PTK2: variants seen among roughly 807,000 people sequenced by gnomAD.
PTK2 encodes the protein protein tyrosine kinase 2.
In PTK2, 45 loss-of-function variants were observed where a neutral mutation model predicts 150.1. The observed-to-expected ratio is 0.30, with a 90% CI of 0.24 to 0.38. PTK2 has a LOEUF of 0.38. Ranked by LOEUF, PTK2 falls within the 10% of genes least tolerant of loss-of-function variation. The pLI is 1.00. For missense variants in PTK2, 919 were observed against 1,307.3 expected (o/e 0.70, Z 4.58); for synonymous variants, 432 against 449.2 (o/e 0.96, Z 0.48).
intron 13 of PTK2, among the ~76,000 whole-genome samples, chr8:140,791,468 C>A (rs538775838): frequency 7.2e-5 from 11 of 152,342 alleles, no homozygotes; most frequent in African/African-American, 2.4e-4. Flanking sequence ...GTAGAGTGCA[C>A]TGTCCAAAGC....
At position 140,820,390 on chromosome 8, in the gene PTK2, C is replaced by T. The variant is rs542214618; in HGVS notation, c.649-1370G>A. ...TGCTGGGATTATAGGCATGAGCCAC[C>T]GCACCCGGCCTGAATTATGTTTTAA... On this transcript the variant is annotated intron_variant, in intron 8 of 31. Transcript: ENST00000522684. Among the ~76,000 whole-genome samples the T allele has an allele frequency of 9.9e-5, 15 of 151,852 alleles. 1 individual carries two copies. The highest frequency in any genetic ancestry group is 2.1e-4 in the South Asian group (1 of 4,804).
chr8:140,898,825 A>C (rs1030448375), intron 2 of PTK2, among the ~76,000 whole-genome samples: 3 of 152,158 alleles, frequency 2.0e-5, no homozygotes, highest in Non-Finnish European at 4.4e-5. Context: ...GAAGCTGTAA[A>C]GGGGAGGGAG....
At chr8:140,690,226 A>G (rs555195887) in intron 26 of PTK2, among the ~76,000 whole-genome samples, 1 of 152,298 alleles carries the variant, frequency 6.6e-6, no homozygotes, top group Non-Finnish European at 1.5e-5. Flanking sequence ...TGCTGGGATT[A>G]CAGGCGTGAG....
chr8:140,801,021 T>C (rs753027727), intron 11 of PTK2, among the ~76,000 whole-genome samples: 17 of 152,212 alleles, frequency 1.1e-4, no homozygotes, highest in Non-Finnish European at 2.1e-4. Flanking sequence ...TTTTAGCACA[T>C]ATAGCATGTT....
At chr8:140,704,121 GA>G (rs1564731406) in intron 24 of PTK2, among the ~76,000 whole-genome samples, 1 of 152,182 alleles carries the variant, frequency 6.6e-6, no homozygotes, top group Non-Finnish European at 1.5e-5. Flanking sequence ...GATTTCTGGT[GA>G]AAAGGGATGT....
chr8:141,000,087 T>TCACACACACACACACACACACACA (rs71310820), intron 1 of PTK2, among the ~76,000 whole-genome samples: 7 of 81,608 alleles, frequency 8.6e-5, no homozygotes, highest in African/African-American at 1.4e-4. Flanking sequence ...TGAAACCAAT[T>TCACACACACACACACACACACACA]CACACACACA....
At chr8:140,720,922 A>AT (rs1165173885) in intron 22 of PTK2, among the ~76,000 whole-genome samples, 5 of 151,618 alleles carry the variant, frequency 3.3e-5, no homozygotes, top group Non-Finnish European at 7.4e-5. Flanking sequence ...TGCCTGGCTA[A>AT]TTTTTTGTAT....
chr8:140,977,539 T>C (rs2100189718), intron 1 of PTK2, among the ~76,000 whole-genome samples: 1 of 151,746 alleles, frequency 6.6e-6, no homozygotes, highest in African/African-American at 2.4e-5. Context: ...GGAGAACTGC[T>C]TGCACCCAGG....
At chr8:140,918,857 T>C (rs2100166331) in intron 2 of PTK2, among the ~76,000 whole-genome samples, 1 of 152,252 alleles carries the variant, frequency 6.6e-6, no homozygotes. Flanking sequence ...TGTGTCTTTA[T>C]CTACAAGTTG....
chr8:140,987,381 A>C (rs1054763254), intron 1 of PTK2, among the ~76,000 whole-genome samples: 3 of 152,242 alleles, frequency 2.0e-5, no homozygotes, highest in Admixed American at 2.0e-4. Context: ...GGTTTTCGTC[A>C]TGTTGGCCAG....
chr8:140,706,528 G>A (rs2100033893), intron 23 of PTK2, among the ~76,000 whole-genome samples: 1 of 152,184 alleles, frequency 6.6e-6, no homozygotes, highest in Admixed American at 6.5e-5. Flanking sequence ...ATCTTGGGCA[G>A]GGCATGGTAG....
Position 140,729,239 on chromosome 8 carries a change from C to T in PTK2, c.2030+6012G>A, listed in dbSNP as rs532706537. Among the ~76,000 whole-genome samples the T allele has an allele frequency of 2.0e-3, 308 of 152,240 alleles. 1 individual carries two copies. The highest frequency in any genetic ancestry group is 3.4e-3 in the Non-Finnish European group (233 of 68,004). On this transcript the variant is annotated intron_variant, in intron 22 of 31. Transcript: ENST00000522684. ...AAACTGAAAACCAAAAAAACACGCACGCACAAAATCAAAAACAAAAACTCC... is the reference window on the plus strand; with the variant it reads ...AAACTGAAAACCAAAAAAACACGCATGCACAAAATCAAAAACAAAAACTCC...
At chr8:140,989,212 TAAAAAAA>T (rs71310816) in intron 1 of PTK2, among the ~76,000 whole-genome samples, 2 of 60,580 alleles carry the variant, frequency 3.3e-5, no homozygotes, top group African/African-American at 6.6e-5. Context: ...ACCCTGTCTC[TAAAAAAA>T]AAAAAAAAAA....
chr8:140,747,243 A>T (rs1593459555), intron 17 of PTK2: 1 of 186,648 alleles, frequency 5.4e-6, no homozygotes, highest in East Asian at 1.6e-4. Flanking sequence ...TTCAATTAAG[A>T]CATAAGGCTG....
intron 3 of PTK2, among the ~76,000 whole-genome samples, chr8:140,883,465 T>G (rs2100150431): frequency 1.3e-5 from 2 of 152,224 alleles, no homozygotes; most frequent in African/African-American, 2.4e-5. Flanking sequence ...TTGTTGACAC[T>G]GTTTATCTCC....
At position 140,696,547 on chromosome 8, in the gene PTK2, C is replaced by T. The variant is rs2100026706; in HGVS notation, c.2499+4344G>A. The stretch of plus-strand genomic sequence containing the variant: ...CTCCTACAACAAAGAATTACCCAGC[C>T]CCAGAGGTCAACAATGCCCAGGCTG... On this transcript the variant is annotated intron_variant, in intron 26 of 31. Coordinates refer to ENST00000522684, the Ensembl canonical transcript of PTK2. 1.3e-5 allele frequency among the ~76,000 whole-genome samples: 2 copies of T among 152,074 alleles called. 1 individual carries two copies. The highest frequency in any genetic ancestry group is 4.2e-4 in the South Asian group (2 of 4,818).
intron 4 of PTK2, among the ~76,000 whole-genome samples, chr8:140,869,660 T>G (rs984798923): frequency 2.2e-4 from 33 of 151,898 alleles, no homozygotes; most frequent in African/African-American, 8.0e-4. Flanking sequence ...GAGAATGAAA[T>G]TGGGAATGGG....
intron 27 of PTK2, among the ~76,000 whole-genome samples, chr8:140,683,353 G>A (rs764864016): frequency 6.2e-4 from 94 of 152,160 alleles, no homozygotes; most frequent in Non-Finnish European, 1.1e-3. Context: ...AATTGAATCA[G>A]TAATAGATAG....
intron 1 of PTK2, among the ~76,000 whole-genome samples, chr8:140,947,873 G>C (rs1300889050): frequency 6.6e-6 from 1 of 151,794 alleles, no homozygotes; most frequent in Non-Finnish European, 1.5e-5. Flanking sequence ...TTTACCCTCG[G>C]ACAAAAAATA....
Sources: gnomAD v4.1 joint callset for allele counts (sites outside exome capture counted in the v4.1 genomes callset) on GRCh38, gnomAD v4.1.1 for gene constraint, MANE v1.5 for transcripts, NCBI Gene and HGNC (gene_info 2026-07-23, HGNC 2026-07-21) for gene names.